PRKAG2: variants seen among roughly 807,000 people sequenced by gnomAD.
PRKAG2 encodes 5'-AMP-activated protein kinase subunit gamma-2.
A neutral mutation model predicts 69.6 loss-of-function variants in PRKAG2; 26 were observed. The ratio of observed to expected loss-of-function variants is 0.37; its 90% CI spans 0.27 to 0.52. The LOEUF is 0.52. Ranked by LOEUF, PRKAG2 falls within the 20% of genes least tolerant of loss-of-function variation. The probability of loss-of-function intolerance (pLI) is 0.90; values close to 1 mark genes in which losing one functional copy is unlikely to be tolerated. For synonymous variants in PRKAG2, 293 were observed against 285.0 expected (o/e 1.03, Z -0.28); for missense variants, 557 against 740.0 (o/e 0.75, Z 2.87).
At position 151,800,738 on chromosome 7, in the gene PRKAG2, G is replaced by A. The variant is rs567167657; in HGVS notation, c.115-14197C>T. Reference sequence around the variant, plus strand: ...CGGTGGAACCGCTCTGCATGAGAGTGTAATAGTGGACACACAACATCACAC... The same window carrying A: ...CGGTGGAACCGCTCTGCATGAGAGTATAATAGTGGACACACAACATCACAC... On this transcript the variant is annotated intron_variant, in intron 1 of 15. Coordinates refer to ENST00000287878, the MANE Select transcript of PRKAG2 (RefSeq NM_016203.4). 4.6e-5 allele frequency among the ~76,000 whole-genome samples: 7 copies of A among 152,322 alleles called. No individual in the cohort carries two copies. In the South Asian group the frequency reaches 6.2e-4, roughly 14 times the overall value.
At chr7:151,858,764 T>A (rs759575308) in intron 1 of PRKAG2, among the ~76,000 whole-genome samples, 7 of 152,160 alleles carry the variant, frequency 4.6e-5, no homozygotes, top group Non-Finnish European at 1.0e-4. Flanking sequence ...GAGCCCCCAA[T>A]CCAAAGATGC....
At chr7:151,876,376 T>C (rs2080405314) in intron 1 of PRKAG2, 131 bp downstream of exon 1, 9 of 915,196 alleles carry the variant, frequency 9.8e-6, no homozygotes, top group Non-Finnish European at 1.4e-5. Flanking sequence ...CTCTACCCTT[T>C]CCCCAAGCCG....
chr7:151,618,581 A>G (rs1440151330), intron 5 of PRKAG2, among the ~76,000 whole-genome samples: 3 of 151,828 alleles, frequency 2.0e-5, no homozygotes, highest in Non-Finnish European at 1.5e-5. Flanking sequence ...CCTGGTCAAC[A>G]TGGTGAAACC....
Position 151,658,659 on chromosome 7 carries a change from C to T in PRKAG2, c.684+16761G>A, listed in dbSNP as rs188612717. Among the ~76,000 whole-genome samples, 5 of 152,016 alleles carry T rather than the reference C, an allele frequency of 3.3e-5. No homozygotes were observed. In the East Asian group the frequency reaches 9.7e-4, roughly 29 times the overall value. Reference sequence around the variant, plus strand: ...TCAGTATTGGGGTGCGAACACACGCCGAAACAGTACAAAAATAGGCTTATC... The same window carrying T: ...TCAGTATTGGGGTGCGAACACACGCTGAAACAGTACAAAAATAGGCTTATC... On this transcript the variant is annotated intron_variant, in intron 4 of 15. Transcript: ENST00000287878.
Position 151,836,916 on chromosome 7 carries a change from G to A in PRKAG2, c.114+39591C>T, listed in dbSNP as rs927351028. Among the ~76,000 whole-genome samples the A allele has an allele frequency of 2.3e-4, 35 of 152,250 alleles. No homozygotes were observed. The highest frequency in any genetic ancestry group is 7.9e-4 in the African/African-American group (33 of 41,542). On this transcript the variant is annotated intron_variant, in intron 1 of 15. Transcript: ENST00000287878. The surrounding 1 kb of genome is among the most constrained non-coding windows in gnomAD (Gnocchi z 4.1). ...GAGCACTCCAGACGCGAAAGGGCCC[G>A]GCCCAGCCAGCTTGCGGGGACCCCC...
At chr7:151,867,203 G>A (rs779489247) in intron 1 of PRKAG2, among the ~76,000 whole-genome samples, 13 of 152,150 alleles carry the variant, frequency 8.5e-5, no homozygotes, top group Non-Finnish European at 1.9e-4. Flanking sequence ...CAGCTCTATC[G>A]GACGGAGGCT....
At chr7:151,653,617 C>T (rs1001877669) in intron 4 of PRKAG2, among the ~76,000 whole-genome samples, 1 of 152,076 alleles carries the variant, frequency 6.6e-6, no homozygotes, top group East Asian at 1.9e-4. Flanking sequence ...TGAGGCGGGC[C>T]GATCACCTGA....
chr7:151,796,314 A>AGTGAGACACCCACAGGCCCCAGCTGGAC (rs1233166618), intron 1 of PRKAG2, among the ~76,000 whole-genome samples: 7 of 152,250 alleles, frequency 4.6e-5, no homozygotes, highest in Non-Finnish European at 1.0e-4. Context: ...CCCAGGGCCC[A>AGTGAGACACCCACAGGCCCCAGCTGGAC]GTGAGACACC....
chr7:151,755,297 T>G (rs2075010992), intron 3 of PRKAG2, among the ~76,000 whole-genome samples: 1 of 152,082 alleles, frequency 6.6e-6, no homozygotes, highest in African/African-American at 2.4e-5. Flanking sequence ...TCAAGGGTGT[T>G]CTGGCTCCAG....
At chr7:151,665,653 TC>T (rs1830946421) in intron 4 of PRKAG2, among the ~76,000 whole-genome samples, 1 of 152,164 alleles carries the variant, frequency 6.6e-6, no homozygotes, top group African/African-American at 2.4e-5. Flanking sequence ...GTGAAATTTT[TC>T]CAAACTATTT....
Position 151,861,765 on chromosome 7 carries a change from T to C in PRKAG2, c.114+14742A>G, listed in dbSNP as rs553378547. ...CAAGTCCTGTGAGGTGGGGATTATA[T>C]TCTGTATTTTACCGGTGAGGAAACT... On this transcript the variant is annotated intron_variant, in intron 1 of 15. Coordinates refer to ENST00000287878, the MANE Select transcript of PRKAG2 (RefSeq NM_016203.4). Among the ~76,000 whole-genome samples, 5 of 152,054 alleles carry C rather than the reference T, an allele frequency of 3.3e-5. No individual in the cohort carries two copies. The South Asian group carries it at 1.0e-3, about 32-fold the overall frequency.
At chr7:151,669,468 A>G (rs1372989772) in intron 4 of PRKAG2, among the ~76,000 whole-genome samples, 1 of 152,198 alleles carries the variant, frequency 6.6e-6, no homozygotes, top group Non-Finnish European at 1.5e-5. Flanking sequence ...TGCTGTGTTC[A>G]CTTGGATTTC....
intron 3 of PRKAG2, among the ~76,000 whole-genome samples, chr7:151,758,719 T>G (rs969687925): frequency 6.6e-6 from 1 of 152,128 alleles, no homozygotes; most frequent in Non-Finnish European, 1.5e-5. Flanking sequence ...AAGAGGCAAG[T>G]GCATGAAAAG....
intron 4 of PRKAG2, among the ~76,000 whole-genome samples, chr7:151,666,780 G>T (rs1331219531): frequency 1.3e-5 from 2 of 152,140 alleles, no homozygotes; most frequent in Admixed American, 6.5e-5. Flanking sequence ...CAACCATCCT[G>T]CAGCCTTCCC....
At chr7:151,569,741 C>T (rs1425123458) in intron 10 of PRKAG2, among the ~76,000 whole-genome samples, 2 of 152,222 alleles carry the variant, frequency 1.3e-5, no homozygotes, top group Non-Finnish European at 2.9e-5. Flanking sequence ...GACGACTACA[C>T]AGAAGGCAGC....
In PRKAG2 at chr7:151,781,790, C is replaced by T. The variant is rs1358896762; in HGVS notation, c.187-359G>A. Among the ~76,000 whole-genome samples the T allele has an allele frequency of 1.3e-5, 2 of 152,178 alleles. No individual in the cohort carries two copies. The highest frequency in any genetic ancestry group is 1.9e-4 in the East Asian group (1 of 5,180). On this transcript the variant is annotated intron_variant, in intron 2 of 15. Coordinates refer to ENST00000287878, the MANE Select transcript of PRKAG2 (RefSeq NM_016203.4). The surrounding 1 kb of genome is among the most constrained non-coding windows in gnomAD (Gnocchi z 6.1). ...CCTGCCTTCACCTCTCAAGACCTCA[C>T]GTCCATCCAAGTTCTGACCACACAG...
chr7:151,783,433 C>T (rs1377417554), intron 2 of PRKAG2, among the ~76,000 whole-genome samples: 2 of 152,136 alleles, frequency 1.3e-5, no homozygotes, highest in Admixed American at 6.5e-5. Flanking sequence ...CTCCACCTCC[C>T]GGGCTCAAGC....
At chr7:151,856,206 C>G (rs1420259091) in intron 1 of PRKAG2, among the ~76,000 whole-genome samples, 1 of 152,222 alleles carries the variant, frequency 6.6e-6, no homozygotes, top group Non-Finnish European at 1.5e-5. Flanking sequence ...GTTTCACTAA[C>G]AAAGCAACTT....
chr7:151,644,459 G>A (rs1218281288), intron 4 of PRKAG2, among the ~76,000 whole-genome samples: 1 of 151,916 alleles, frequency 6.6e-6, no homozygotes, highest in African/African-American at 2.4e-5. Flanking sequence ...TTTTGCTCCT[G>A]GATTATTTCA....
Sources: allele counts gnomAD v4.1 joint callset (sites outside exome capture counted in the v4.1 genomes callset), GRCh38; gene constraint gnomAD v4.1.1; non-coding constraint Gnocchi (gnomAD v3.1); transcripts MANE v1.5; gene names NCBI Gene and HGNC (gene_info 2026-07-23, HGNC 2026-07-21).